Variants in DHRSX observed in about 807,000 individuals in gnomAD.
DHRSX encodes dehydrogenase/reductase X-linked.
Under a neutral mutation model 34.0 loss-of-function variants are expected in DHRSX, and 31 were observed. The ratio of observed to expected loss-of-function variants is 0.91; its 90% CI spans 0.69 to 1.23. DHRSX has a LOEUF of 1.23. Among genes scored for constraint, DHRSX ranks in the 50% most tolerant of loss-of-function variants. The pLI, the probability that DHRSX is intolerant of heterozygous loss-of-function variation, is 0.00. For missense variants in DHRSX, 414 were observed against 428.1 expected (o/e 0.97, Z 0.29); for synonymous variants, 201 against 183.8 (o/e 1.09, Z -0.76).
At chrX:2,381,797 C>CAAAAAAAAAAAAAAAAAA (rs767319246) in intron 3 of DHRSX, among the ~76,000 whole-genome samples, 2 of 81,614 alleles carry the variant, frequency 2.5e-5, no homozygotes, top group African/African-American at 5.0e-5. Flanking sequence ...AAGCCACAAC[C>CAAAAAAAAAAAAAAAAAA]AAAAAAAAAA....
rs1243219377 is a variant in DHRSX at position 2,291,588 on chromosome X, C to T, written c.302G>A (p.Cys101Tyr). 8 of 1,613,682 alleles carry T rather than the reference C, an allele frequency of 5.0e-6. No individual in the cohort carries two copies. Among genetic ancestry groups the T allele is most frequent in the Admixed American group, 1.7e-5 (1 of 59,978 alleles). The change falls in exon 4 of 7, where the codon TGT becomes TAT. Residue 101 changes from cysteine to tyrosine, a missense_variant. By Grantham distance (194) the Cys-to-Tyr change is radical. Coordinates refer to ENST00000334651, the MANE Select transcript of DHRSX (RefSeq NM_145177.3). The stretch of plus-strand genomic sequence containing the variant: ...GATGGAAGTCATGGAAGCCAAGTCA[C>T]AGTATAAAAATTCCACTGGAAAAGG... ...TLNDKVEFLYCDLASMTSIRQ... is the reference protein window; with the variant it reads ...TLNDKVEFLYYDLASMTSIRQ...
intron 3 of DHRSX, among the ~76,000 whole-genome samples, chrX:2,346,676 T>C (rs1440813025): frequency 6.7e-6 from 1 of 148,952 alleles, no homozygotes; most frequent in Non-Finnish European, 1.5e-5. Context: ...TTTAATACTT[T>C]AAGTCCTGGG....
chrX:2,271,405 G>C (rs1437069487), intron 4 of DHRSX, among the ~76,000 whole-genome samples: 2 of 152,216 alleles, frequency 1.3e-5, no homozygotes, highest in African/African-American at 4.8e-5. Context: ...TTCCAGGCCT[G>C]TGGCCTGCTG....
chrX:2,480,135 A>G (rs1457757405), intron 1 of DHRSX, among the ~76,000 whole-genome samples: 4 of 152,176 alleles, frequency 2.6e-5, no homozygotes, highest in Non-Finnish European at 5.9e-5. Context: ...TCAACAGATG[A>G]GCGTATCAAG....
chrX:2,442,790 C>G lies in DHRSX; in HGVS notation c.110-17486G>C, dbSNP rs769283886. On this transcript the variant is annotated intron_variant, in intron 1 of 6. Coordinates refer to ENST00000334651, the MANE Select transcript of DHRSX (RefSeq NM_145177.3). ...CCACGTAGAAGCTCTCAGGAATATTCCCTTTCCGAAGACATTTGTACAAAC... is the reference window on the plus strand; with the variant it reads ...CCACGTAGAAGCTCTCAGGAATATTGCCTTTCCGAAGACATTTGTACAAAC... Among the ~76,000 whole-genome samples the G allele has an allele frequency of 1.1e-4, 16 of 152,268 alleles. No individual in the cohort carries two copies. The South Asian group carries it at 3.3e-3, about 32-fold the overall frequency.
intron 3 of DHRSX, among the ~76,000 whole-genome samples, chrX:2,387,557 C>T (rs997064712): frequency 3.3e-5 from 5 of 152,124 alleles, no homozygotes; most frequent in Middle Eastern, 3.4e-3. Context: ...TCATGTTTTT[C>T]TGCCTGCTTA....
At chrX:2,416,102 C>T (rs1353333613) in intron 2 of DHRSX, among the ~76,000 whole-genome samples, 5 of 151,752 alleles carry the variant, frequency 3.3e-5, no homozygotes, top group African/African-American at 1.2e-4. Flanking sequence ...ACCAACCAAC[C>T]AGATCTCATC....
intron 4 of DHRSX, among the ~76,000 whole-genome samples, chrX:2,277,137 A>AGG (rs2041677829): frequency 1.3e-4 from 2 of 15,686 alleles, no homozygotes; most frequent in Non-Finnish European, 2.6e-4. Flanking sequence ...AGGGAGAGAG[A>AGG]AGGAAGAGGA....
At position 2,332,801 on chromosome X, in the gene DHRSX, T is replaced by C. The variant is rs760364768; in HGVS notation, c.287-41198A>G. On this transcript the variant is annotated intron_variant, in intron 3 of 6. Transcript: ENST00000334651. ...GCAAAGGGCACACTGAGGTCTTAAA[T>C]ATCCATCTGATTTGGCCAGGAATGT... 3.0e-3 allele frequency among the ~76,000 whole-genome samples: 457 copies of C among 152,346 alleles called. 3 individuals carry two copies. Among genetic ancestry groups the C allele is most frequent in the African/African-American group, 0.011 (437 of 41,586 alleles).
intron 6 of DHRSX, 86 bp from the exon 7 acceptor site, chrX:2,221,315 G>T: frequency 1.4e-6 from 2 of 1,381,432 alleles, no homozygotes; most frequent in Non-Finnish European, 2.0e-6. Context: ...ATGCTGCAGG[G>T]ACAGGTGGAA....
At chrX:2,349,890 T>A (rs768059480) in intron 3 of DHRSX, among the ~76,000 whole-genome samples, 9 of 124,866 alleles carry the variant, frequency 7.2e-5, no homozygotes, top group Admixed American at 6.3e-4. Context: ...TACAAAAAAA[T>A]TAGCCAGGCG....
intron 1 of DHRSX, chrX:2,489,447 G>A: frequency 6.2e-7 from 1 of 1,613,916 alleles, no homozygotes; most frequent in African/African-American, 1.3e-5. Flanking sequence ...ATGTGCAGCA[G>A]CGGCTTCACC....
At chrX:2,263,447 C>G (rs1179917751) in intron 5 of DHRSX, among the ~76,000 whole-genome samples, 11 of 152,050 alleles carry the variant, frequency 7.2e-5, no homozygotes, top group East Asian at 1.9e-4. Context: ...GACTTCCAGC[C>G]TCCAGAACCG....
intron 3 of DHRSX, among the ~76,000 whole-genome samples, chrX:2,303,401 T>A (rs1188786890): frequency 1.3e-5 from 2 of 152,074 alleles, no homozygotes; most frequent in African/African-American, 4.8e-5. Context: ...CTTGTGACCA[T>A]GAATGAGTTC....
chrX:2,390,477 C>T (rs181842937), intron 3 of DHRSX, among the ~76,000 whole-genome samples: 1 of 151,938 alleles, frequency 6.6e-6, no homozygotes. Context: ...TGGAAAAATA[C>T]ACATCACATA....
chrX:2,398,545 G>A (rs968319237), intron 3 of DHRSX, among the ~76,000 whole-genome samples: 1 of 152,082 alleles, frequency 6.6e-6, no homozygotes, highest in Admixed American at 6.5e-5. Context: ...GGAGGCCCAT[G>A]TGTGGATGTG....
intron 1 of DHRSX, chrX:2,489,385 G>A (rs2045057584): frequency 6.2e-7 from 1 of 1,613,854 alleles, no homozygotes; most frequent in South Asian, 1.1e-5. Flanking sequence ...CCTTGGCCAT[G>A]CTGAGCTCCT....
chrX:2,471,430 G>C (rs1053995860), intron 1 of DHRSX, among the ~76,000 whole-genome samples: 5 of 151,870 alleles, frequency 3.3e-5, no homozygotes, highest in African/African-American at 1.2e-4. Flanking sequence ...AGCCGGGTGT[G>C]GTGGCAGGCA....
intron 1 of DHRSX, among the ~76,000 whole-genome samples, chrX:2,484,478 C>G (rs926118194): frequency 6.6e-6 from 1 of 152,092 alleles, no homozygotes; most frequent in African/African-American, 2.4e-5. Context: ...CCCTGAAACC[C>G]GAAAGCTTCC....
Sources: gnomAD v4.1 joint callset for allele counts (sites outside exome capture counted in the v4.1 genomes callset) on GRCh38, gnomAD v4.1.1 for gene constraint, MANE v1.5 for transcripts, NCBI Gene and HGNC (gene_info 2026-07-23, HGNC 2026-07-21) for gene names.